Variants in PTPRG observed in about 807,000 individuals in gnomAD.
PTPRG encodes the protein protein tyrosine phosphatase receptor type G.
PTPRG carries 102 observed loss-of-function variants against 165.3 expected under a neutral mutation model. The observed-to-expected ratio is 0.62, with a 90% confidence interval of 0.53 to 0.73. The LOEUF (loss-of-function observed/expected upper bound fraction) is 0.73, where lower values mean the gene tolerates loss of function less well. PTPRG is among the 30% of genes least tolerant of loss of function. The pLI is 0.00. For synonymous variants in PTPRG, 675 were observed against 669.5 expected (o/e 1.01, Z -0.13); for missense variants, 1,866 against 1,861.4 (o/e 1.00, Z -0.05).
intron 6 of PTPRG, among the ~76,000 whole-genome samples, chr3:62,145,865 T>C (rs1348990824): frequency 1.3e-5 from 2 of 152,236 alleles, no homozygotes; most frequent in Admixed American, 6.5e-5. Context: ...CCCAGTTGTA[T>C]TGGACTCTGA....
intron 17 of PTPRG, among the ~76,000 whole-genome samples, chr3:62,266,371 G>T (rs1701875528): frequency 1.3e-5 from 2 of 152,244 alleles, no homozygotes; most frequent in Admixed American, 1.3e-4. Flanking sequence ...ATATGTGGAT[G>T]TTACCAAATC....
In PTPRG at chr3:62,157,056, T is replaced by TC. The variant is rs1704564052; in HGVS notation, c.683-7dup. The TC allele has an allele frequency of 6.3e-7, 1 of 1,589,976 alleles. No individual in the cohort carries two copies. Among genetic ancestry groups the TC allele is most frequent in the African/African-American group, 1.3e-5 (1 of 74,482 alleles). Reference sequence around the variant, plus strand: ...CCATTGTGCTTTTCTTTTCCCTTTTTCCCCAAACAGAGAAGGAGACCTTTC... The same window carrying TC: ...CCATTGTGCTTTTCTTTTCCCTTTTTCCCCCAAACAGAGAAGGAGACCTTTC... On this transcript the variant is annotated splice_polypyrimidine_tract_variant and intron_variant, in intron 6 of 29. Coordinates refer to ENST00000474889, the MANE Select transcript of PTPRG (RefSeq NM_002841.4).
At chr3:62,196,252 G>A (rs1699960593) in intron 10 of PTPRG, among the ~76,000 whole-genome samples, 1 of 151,746 alleles carries the variant, frequency 6.6e-6, no homozygotes, top group Non-Finnish European at 1.5e-5. Flanking sequence ...AATTAGCTGG[G>A]CTTGGTGGTG....
chr3:61,985,526 C>A (rs1222744022), intron 2 of PTPRG, among the ~76,000 whole-genome samples: 6 of 152,142 alleles, frequency 3.9e-5, no homozygotes, highest in African/African-American at 1.4e-4. Context: ...TTACAGCTAC[C>A]CTTTGGTATC....
intron 1 of PTPRG, among the ~76,000 whole-genome samples, chr3:61,651,144 T>G (rs970304029): frequency 3.3e-5 from 5 of 152,108 alleles, no homozygotes; most frequent in African/African-American, 9.7e-5. Flanking sequence ...CTTTTTTTTT[T>G]TTTTAAAGGA....
intron 2 of PTPRG, among the ~76,000 whole-genome samples, chr3:61,885,036 G>T: frequency 6.6e-6 from 1 of 152,144 alleles, no homozygotes; most frequent in Middle Eastern, 3.4e-3. Flanking sequence ...CTTGATGTGT[G>T]GTGTTTGCTT....
intron 2 of PTPRG, among the ~76,000 whole-genome samples, chr3:61,986,477 G>T (rs2107687580): frequency 6.6e-6 from 1 of 152,310 alleles, no homozygotes. Context: ...TGTGTTTATT[G>T]AATTCATTAA....
intron 2 of PTPRG, among the ~76,000 whole-genome samples, chr3:61,825,273 C>T (rs1378075201): frequency 1.3e-5 from 2 of 152,188 alleles, no homozygotes; most frequent in Non-Finnish European, 2.9e-5. Flanking sequence ...ACTATTCTCC[C>T]ATGTTTTATT....
intron 1 of PTPRG, among the ~76,000 whole-genome samples, chr3:61,592,436 C>A (rs1301519867): frequency 6.6e-6 from 1 of 152,092 alleles, no homozygotes; most frequent in Non-Finnish European, 1.5e-5. Context: ...CTTGGAGTTT[C>A]TCTCAGTAAG....
At chr3:61,678,644 CCTGGCTTCCAGG>C (rs1250188841) in intron 1 of PTPRG, among the ~76,000 whole-genome samples, 1 of 152,148 alleles carries the variant, frequency 6.6e-6, no homozygotes, top group African/African-American at 2.4e-5. Flanking sequence ...AATTTCCCAT[CCTGGCTTCCAGG>C]CGTCTCCGCT....
chr3:62,021,857 CTT>C (rs398062374), intron 4 of PTPRG, among the ~76,000 whole-genome samples: 3,122 of 97,128 alleles, frequency 0.032, 38 homozygotes, highest in South Asian at 0.071. Flanking sequence ...TTTTCCTTTT[CTT>C]TTTTTTTTTT....
intron 4 of PTPRG, among the ~76,000 whole-genome samples, chr3:62,067,677 G>T (rs1020403158): frequency 1.3e-4 from 20 of 152,100 alleles, no homozygotes; most frequent in Admixed American, 9.2e-4. Context: ...CATTAGGAGC[G>T]TGCAACCTGG....
chr3:62,091,008 G>A (rs1701909421), intron 5 of PTPRG, among the ~76,000 whole-genome samples: 1 of 152,176 alleles, frequency 6.6e-6, no homozygotes, highest in African/African-American at 2.4e-5. Flanking sequence ...AAAGTACTGT[G>A]GAGAGGTCTT....
At chr3:61,599,488 C>A (rs1041882492) in intron 1 of PTPRG, among the ~76,000 whole-genome samples, 2 of 151,974 alleles carry the variant, frequency 1.3e-5, no homozygotes, top group African/African-American at 2.4e-5. Context: ...ATCCTGCATT[C>A]TTTTTTCTTT....
intron 1 of PTPRG, among the ~76,000 whole-genome samples, chr3:61,563,619 C>G (rs1270936646): frequency 6.6e-6 from 1 of 152,224 alleles, no homozygotes; most frequent in Non-Finnish European, 1.5e-5. Flanking sequence ...TCTCATCCAT[C>G]AACTCCTGCA....
chr3:61,870,338 C>T (rs537663443), intron 2 of PTPRG, among the ~76,000 whole-genome samples: 32 of 141,532 alleles, frequency 2.3e-4, no homozygotes, highest in African/African-American at 6.6e-4. Context: ...TTTTTGGAGA[C>T]GGAGTCTCAC....
chr3:61,987,968 G>A (rs1461573047), intron 2 of PTPRG, among the ~76,000 whole-genome samples: 1 of 152,148 alleles, frequency 6.6e-6, no homozygotes, highest in African/African-American at 2.4e-5. Context: ...CAGTCATAGG[G>A]AATTTGACAA....
chr3:62,229,285 A>G lies in PTPRG; in HGVS notation c.2289-1940A>G, dbSNP rs1360084254. On this transcript the variant is annotated intron_variant, in intron 13 of 29. Coordinates refer to ENST00000474889, the MANE Select transcript of PTPRG (RefSeq NM_002841.4). The surrounding 1 kb of genome is among the most constrained non-coding windows in gnomAD (Gnocchi z 4.6). ...GCCTGTGCTGGGAGATCTGGGTCAC[A>G]TGGCAGCTAATGCTGTGGATCCCAG... Among the ~76,000 whole-genome samples the G allele has an allele frequency of 1.3e-5, 2 of 152,078 alleles. No individual in the cohort carries two copies. The highest frequency in any genetic ancestry group is 4.8e-5 in the African/African-American group (2 of 41,402).
rs879331048 is a variant in PTPRG at position 62,069,671 on chromosome 3, C to G, written c.520-8492C>G. On this transcript the variant is annotated intron_variant, in intron 4 of 29. Coordinates refer to ENST00000474889, the MANE Select transcript of PTPRG (RefSeq NM_002841.4). Reference sequence around the variant, plus strand: ...TCTCTCTCTCTCTCTCTCTCTCTCTCTCTCTCTCTCTCTCACACACAGACA... The same window carrying G: ...TCTCTCTCTCTCTCTCTCTCTCTCTGTCTCTCTCTCTCTCACACACAGACA... Among the ~76,000 whole-genome samples, 442 of 145,916 alleles carry G rather than the reference C, an allele frequency of 3.0e-3. 4 individuals carry two copies. The highest frequency in any genetic ancestry group is 4.1e-3 in the Non-Finnish European group (281 of 67,748).
Sources: gnomAD v4.1 joint callset for allele counts (sites outside exome capture counted in the v4.1 genomes callset) on GRCh38, gnomAD v4.1.1 for gene constraint, Gnocchi (gnomAD v3.1) non-coding constraint, MANE v1.5 for transcripts, NCBI Gene and HGNC (gene_info 2026-07-23, HGNC 2026-07-21) for gene names.